Variants in DRC7 observed in about 807,000 individuals in gnomAD.
The protein encoded by DRC7 is dynein regulatory complex subunit 7, also known as coiled-coil domain containing 135.
Under a neutral mutation model 104.4 loss-of-function variants are expected in DRC7, and 80 were observed. The observed-to-expected ratio is 0.77, with a 90% CI of 0.64 to 0.92. The LOEUF (loss-of-function observed/expected upper bound fraction) is 0.92, where lower values mean the gene tolerates loss of function less well. DRC7 is among the 40% of genes least tolerant of loss of function. The pLI, the probability that DRC7 is intolerant of heterozygous loss-of-function variation, is 0.00. For missense variants in DRC7, 1,034 were observed against 1,141.1 expected, an observed-to-expected ratio of 0.91 and a Z score of 1.35; for synonymous variants, 405 against 447.3, an observed-to-expected ratio of 0.91 and a Z score of 1.19.
intron 1 of DRC7, among the ~76,000 whole-genome samples, 189 bp downstream of exon 1, chr16:57,695,041 G>C (rs560242357): frequency 1.3e-5 from 2 of 152,024 alleles, no homozygotes; most frequent in African/African-American, 4.8e-5. Context: ...TGCAGGGAAG[G>C]GCCGGTGGGT....
chr16:57,700,097 C>T (rs375392945), intron 4 of DRC7, 48 bp from the exon 5 acceptor site: 2 of 1,594,458 alleles, frequency 1.3e-6, no homozygotes, highest in Non-Finnish European at 1.7e-6. Context: ...CTTGATCTCA[C>T]AAGTTCTTAT....
intron 4 of DRC7, among the ~76,000 whole-genome samples, chr16:57,699,920 G>A (rs1256277244): frequency 6.6e-6 from 1 of 152,182 alleles, no homozygotes; most frequent in African/African-American, 2.4e-5. Context: ...AACATGATAA[G>A]GGCCTCCCAG....
intron 14 of DRC7, 83 bp downstream of exon 14, chr16:57,726,366 C>G (rs1282813650): frequency 3.4e-6 from 4 of 1,179,444 alleles, no homozygotes; most frequent in Non-Finnish European, 5.0e-6. Flanking sequence ...CTTGGGAGAA[C>G]CAGGATGGGC....
At chr16:57,719,917 G>GACA (rs552026962) in intron 9 of DRC7, among the ~76,000 whole-genome samples, 84 of 151,986 alleles carry the variant, frequency 5.5e-4, no homozygotes, top group Non-Finnish European at 1.1e-3. Context: ...AAGTGATCAA[G>GACA]ACAACAACAA....
rs531338809 is a variant in DRC7 at position 57,721,085 on chromosome 16, G to T, written c.1207-582G>T. ...CAAAAATCAACTGGGTGTGGTAGGT[G>T]CATGCCTGTAATCCCAGCTACTCAG... is the stretch of plus-strand genomic sequence containing the variant. On this transcript the variant is annotated intron_variant, in intron 9 of 18. Coordinates refer to ENST00000360716, the MANE Select transcript of DRC7 (RefSeq NM_001289162.2). Among the ~76,000 whole-genome samples, 296 of 152,228 alleles carry T rather than the reference G, an allele frequency of 1.9e-3. 2 individuals carry two copies. The highest frequency in any genetic ancestry group is 1.9e-4 in the Non-Finnish European group (13 of 68,014).
chr16:57,726,064 C>G lies in DRC7; in HGVS notation c.1759-4C>G. The G allele has an allele frequency of 1.2e-6, 2 of 1,612,164 alleles. No individual in the cohort carries two copies. Among genetic ancestry groups the G allele is most frequent in the Admixed American group, 1.7e-5 (1 of 59,888 alleles). On this transcript the variant is annotated splice_polypyrimidine_tract_variant and splice_region_variant and intron_variant, in intron 13 of 18. Coordinates refer to ENST00000360716, the MANE Select transcript of DRC7 (RefSeq NM_001289162.2). ...CTCATCCTTTGCATGTTCTGGCCTC[C>G]CAGAAAATCACAGAGCGGTTCTTCC...
At chr16:57,696,390 C>T (rs1381591649) in intron 1 of DRC7, 74 bp from the exon 2 acceptor site, 1 of 152,258 alleles carries the variant, frequency 6.6e-6, no homozygotes, top group Non-Finnish European at 1.5e-5. Flanking sequence ...CCCACTTTAT[C>T]TCCACATTCC....
At chr16:57,718,540 T>A (rs2048869641) in intron 9 of DRC7, 65 bp downstream of exon 9, 1 of 1,585,320 alleles carries the variant, frequency 6.3e-7, no homozygotes, top group South Asian at 1.1e-5. Flanking sequence ...CTGACAAGTG[T>A]CCCCAGCAGC....
chr16:57,726,884 T>C lies in DRC7; in HGVS notation c.2027T>C (p.Met676Thr), dbSNP rs1171538009. Residue 676 changes from methionine to threonine, a missense_variant, in exon 15 of 19, where the codon ATG becomes ACG. Coordinates refer to ENST00000360716, the MANE Select transcript of DRC7 (RefSeq NM_001289162.2). ...KKLLYQYEAM[M>T]HLKREEKLSR... Reference sequence around the variant, plus strand: ...CTGCTCTACCAGTACGAGGCCATGATGCACCTGAAGAGGGAGGAGAAGCTG... The same window carrying C: ...CTGCTCTACCAGTACGAGGCCATGACGCACCTGAAGAGGGAGGAGAAGCTG... 9.3e-6 allele frequency: 15 copies of C among 1,613,352 alleles called. No homozygotes were observed. The highest frequency in any genetic ancestry group is 1.3e-5 in the Non-Finnish European group (15 of 1,179,830).
rs1597812518 is a variant in DRC7 at position 57,726,618 on chromosome 16, C to T, written c.1975-214C>T. 3 of 553,280 alleles carry T rather than the reference C, an allele frequency of 5.4e-6. No individual in the cohort carries two copies. In the East Asian group the frequency reaches 9.0e-5, roughly 17 times the overall value. 34.3% of individuals were successfully genotyped at this position (553,280 alleles called of 1,614,324 possible). A position where few individuals can be genotyped will look rare whatever the true frequency, so the allele number is the denominator to read the frequency against. On this transcript the variant is annotated intron_variant, in intron 14 of 18. Coordinates refer to ENST00000360716, the MANE Select transcript of DRC7 (RefSeq NM_001289162.2). Reference sequence around the variant, plus strand: ...GCTAGCTTTCCTAGTCAAACGCTCACTCTCCCGGCACAGTCCCCAGCTTTT... The same window carrying T: ...GCTAGCTTTCCTAGTCAAACGCTCATTCTCCCGGCACAGTCCCCAGCTTTT...
At chr16:57,727,131 CTTGTTT>C (rs768210840) in intron 15 of DRC7, 162 bp from the exon 16 acceptor site, 35 of 669,124 alleles carry the variant, frequency 5.2e-5, no homozygotes, top group Non-Finnish European at 8.5e-5. Context: ...TGGCTAATTT[CTTGTTT>C]TTGTTTTTGT....
intron 12 of DRC7, 26 bp from the exon 13 acceptor site, chr16:57,724,589 C>T: frequency 6.5e-7 from 1 of 1,548,778 alleles, no homozygotes; most frequent in Non-Finnish European, 8.8e-7. Flanking sequence ...GAAGCTGTCT[C>T]CTCCCAACTC....
chr16:57,728,288 G>A lies in DRC7; in HGVS notation c.2197-102G>A, dbSNP rs1389704036. On this transcript the variant is annotated intron_variant, in intron 16 of 18. Coordinates refer to ENST00000360716, the MANE Select transcript of DRC7 (RefSeq NM_001289162.2). ...TGGAGGCGCCATGCACTGGAACCTG[G>A]CTGTGAGGTCTGGCTTTGTGCTGGC... is the stretch of plus-strand genomic sequence containing the variant. 3.5e-6 allele frequency: 4 copies of A among 1,141,690 alleles called. No homozygotes were observed. The East Asian group carries it at 1.1e-4, about 30-fold the overall frequency. 70.7% of individuals were successfully genotyped at this position (1,141,690 alleles called of 1,614,324 possible).
intron 17 of DRC7, 72 bp downstream of exon 17, chr16:57,728,656 C>T: frequency 3.9e-6 from 5 of 1,269,332 alleles, no homozygotes. Context: ...CCACGGCTGT[C>T]CGCCCACTAC....
chr16:57,701,176 T>A (rs561880354), intron 5 of DRC7, among the ~76,000 whole-genome samples: 1 of 151,528 alleles, frequency 6.6e-6, no homozygotes, highest in Non-Finnish European at 1.5e-5. Flanking sequence ...TATCCTGGGG[T>A]TTTTGTAGTT....
Position 57,728,394 on chromosome 16 carries a change from G to A in DRC7, c.2201G>A (p.Arg734His), listed in dbSNP as rs1168634706. 9 of 1,594,640 alleles carry A rather than the reference G, an allele frequency of 5.6e-6. No individual in the cohort carries two copies. Among genetic ancestry groups the A allele is most frequent in the African/African-American group, 1.3e-5 (1 of 74,248 alleles). ...ATCTGCCCCTCACCTTTACAGGAGC[G>A]CATGATGCACGAAGAGCACCTGCGG... is the stretch of plus-strand genomic sequence containing the variant. ...KSKEYREAME[R>H]MMHEEHLRQV... The change falls in exon 17 of 19, where the codon CGC becomes CAC. Residue 734 changes from arginine (R) to histidine (H), a missense_variant. Arg to His is a conservative substitution (Grantham distance 29). Transcript: ENST00000360716.
intron 6 of DRC7, among the ~76,000 whole-genome samples, chr16:57,704,208 T>C (rs1004773114): frequency 7.9e-5 from 12 of 152,124 alleles, no homozygotes; most frequent in Admixed American, 3.9e-4. Context: ...GGTAACATAA[T>C]GTGGCCAAAG....
chr16:57,698,246 G>C, intron 3 of DRC7, 94 bp downstream of exon 3: 1 of 1,569,596 alleles, frequency 6.4e-7, no homozygotes, highest in Admixed American at 1.8e-5. Context: ...CTGGTAGGGT[G>C]ACCAGGAGAT....
chr16:57,697,331 T>C (rs2048603843), intron 2 of DRC7, among the ~76,000 whole-genome samples: 1 of 152,020 alleles, frequency 6.6e-6, no homozygotes, highest in South Asian at 2.1e-4. Context: ...TCCCAGCACT[T>C]TGGGAGGCCA....
Sources: allele counts gnomAD v4.1 joint callset (sites outside exome capture counted in the v4.1 genomes callset), GRCh38; gene constraint gnomAD v4.1.1; transcripts MANE v1.5; gene names NCBI Gene and HGNC (gene_info 2026-07-23, HGNC 2026-07-21).